Variants in NRG3 observed in about 807,000 individuals in gnomAD.
The protein encoded by NRG3 is neuregulin 3.
Under a neutral mutation model 66.9 loss-of-function variants are expected in NRG3, and 31 were observed. The ratio of observed to expected loss-of-function variants is 0.46; its 90% CI spans 0.35 to 0.63. NRG3 has a LOEUF of 0.63. NRG3 is among the 20% of genes least tolerant of loss of function. The probability of loss-of-function intolerance (pLI) is 0.00; values close to 1 mark genes in which losing one functional copy is unlikely to be tolerated. For missense variants in NRG3, 910 were observed against 878.9 expected (o/e 1.04, Z -0.45); for synonymous variants, 393 against 359.4 (o/e 1.09, Z -1.06).
At chr10:82,368,632 TC>T (rs1437129655) in intron 2 of NRG3, among the ~76,000 whole-genome samples, 8 of 138,024 alleles carry the variant, frequency 5.8e-5, no homozygotes, top group Admixed American at 5.5e-4. Context: ...AGTTTCACTA[TC>T]TTGTGAGGGA....
intron 2 of NRG3, among the ~76,000 whole-genome samples, chr10:82,674,042 A>G (rs970965867): frequency 1.3e-5 from 2 of 152,150 alleles, no homozygotes; most frequent in Non-Finnish European, 2.9e-5. Context: ...GGGTAGCCAT[A>G]TGATTTCTTG....
chr10:82,268,388 T>G (rs991939179), intron 1 of NRG3, among the ~76,000 whole-genome samples: 1 of 152,140 alleles, frequency 6.6e-6, no homozygotes, highest in Non-Finnish European at 1.5e-5. Context: ...TCTTTGTTTT[T>G]ATACTGCATC....
chr10:82,814,987 C>T (rs775568724), intron 3 of NRG3, among the ~76,000 whole-genome samples: 1 of 152,128 alleles, frequency 6.6e-6, no homozygotes, highest in Non-Finnish European at 1.5e-5. Flanking sequence ...AGTACTGGAG[C>T]AAAAGTCCAA....
At chr10:82,680,677 G>A (rs1174583319) in intron 2 of NRG3, among the ~76,000 whole-genome samples, 2 of 152,112 alleles carry the variant, frequency 1.3e-5, no homozygotes, top group African/African-American at 4.8e-5. Flanking sequence ...CAGGGTTGAC[G>A]TTTGCTCTGC....
At chr10:81,914,935 A>G (rs548937359) in intron 1 of NRG3, among the ~76,000 whole-genome samples, 78 of 152,312 alleles carry the variant, frequency 5.1e-4, no homozygotes, top group Middle Eastern at 3.4e-3. Context: ...AAGATATGAA[A>G]GTACTTTTAA....
chr10:82,503,848 T>A (rs1281616389), intron 2 of NRG3, among the ~76,000 whole-genome samples: 4 of 152,200 alleles, frequency 2.6e-5, no homozygotes, highest in Non-Finnish European at 5.9e-5. Context: ...AGTCAAGCTA[T>A]GGAATGTTGT....
chr10:82,583,535 A>G (rs1388633799), intron 2 of NRG3, among the ~76,000 whole-genome samples: 1 of 152,234 alleles, frequency 6.6e-6, no homozygotes, highest in Admixed American at 6.5e-5. Flanking sequence ...TGTCATAACT[A>G]CTTGTAAACC....
chr10:82,250,787 G>A (rs1342444721), intron 1 of NRG3, among the ~76,000 whole-genome samples: 2 of 152,130 alleles, frequency 1.3e-5, no homozygotes, highest in Non-Finnish European at 2.9e-5. Context: ...GCCACCTGAA[G>A]GCAGATCACA....
At chr10:82,414,057 T>A (rs1449895939) in intron 2 of NRG3, among the ~76,000 whole-genome samples, 1 of 152,174 alleles carries the variant, frequency 6.6e-6, no homozygotes, top group African/African-American at 2.4e-5. Flanking sequence ...CCTCAGGAAC[T>A]TTTCCTTTGC....
intron 1 of NRG3, among the ~76,000 whole-genome samples, chr10:82,269,125 C>G (rs1482727507): frequency 6.6e-6 from 1 of 151,916 alleles, no homozygotes; most frequent in Admixed American, 6.6e-5. Context: ...AATCTACCAG[C>G]TCAGGAATCC....
intron 3 of NRG3, among the ~76,000 whole-genome samples, chr10:82,855,721 TAGATTGA>T (rs2063770633): frequency 6.6e-6 from 1 of 151,758 alleles, no homozygotes; most frequent in Admixed American, 6.6e-5. Context: ...GATACTAATG[TAGATTGA>T]AGCTGAAAAG....
chr10:82,358,752 T>C lies in NRG3; in HGVS notation c.837T>C (p.Tyr279=). The C allele has an allele frequency of 6.2e-7, 1 of 1,614,100 alleles. No homozygotes were observed. The highest frequency in any genetic ancestry group is 8.5e-7 in the Non-Finnish European group (1 of 1,179,990). The change falls in exon 2 of 9, where the codon TAT becomes TAC. Residue 279 remains tyrosine, a synonymous_variant. Transcript: ENST00000372141. ...TTTCCCTGACAGATACGACGACATA[T>C]TCCACAGAGCGATCCGAGCACTTCA... ...STSPKFHTTT[Y]STERSEHFKP... is the part of the protein sequence containing the mutation.
rs372874627 is a variant in NRG3, at chr10:82,985,338, C to T, written c.1824C>T (p.Asp608=). 1.2e-5 allele frequency: 20 copies of T among 1,613,984 alleles called. No individual in the cohort carries two copies. The African/African-American group carries it at 1.5e-4, about 12-fold the overall frequency. Residue 608 remains aspartate (D), a synonymous_variant, in exon 9 of 9, where the codon GAC becomes GAT. Coordinates refer to ENST00000372141, the MANE Select transcript of NRG3 (RefSeq NM_001010848.4). ...GGTGCAAAAACTCCTATTCAGCTGACGTTGTCAATGTGAGTATTCCAGTCA... is the reference window on the plus strand; with the variant it reads ...GGTGCAAAAACTCCTATTCAGCTGATGTTGTCAATGTGAGTATTCCAGTCA... The part of the protein sequence containing the change: ...IKWCKNSYSA[D]VVNVSIPVSD...
At chr10:82,922,876 A>G (rs1846587326) in intron 4 of NRG3, among the ~76,000 whole-genome samples, 1 of 152,176 alleles carries the variant, frequency 6.6e-6, no homozygotes, top group Non-Finnish European at 1.5e-5. Flanking sequence ...CCATCCATCC[A>G]TTGACCAAAT....
intron 3 of NRG3, among the ~76,000 whole-genome samples, chr10:82,788,554 A>T (rs1282814745): frequency 1.3e-5 from 2 of 152,186 alleles, no homozygotes; most frequent in Admixed American, 6.5e-5. Context: ...TGGGTGACAG[A>T]GTGAGACTCC....
intron 1 of NRG3, among the ~76,000 whole-genome samples, chr10:82,281,097 G>A (rs902609786): frequency 4.6e-5 from 7 of 152,218 alleles, no homozygotes; most frequent in African/African-American, 1.7e-4. Flanking sequence ...GATTACATTG[G>A]TACTTTTCTG....
intron 1 of NRG3, among the ~76,000 whole-genome samples, chr10:82,165,373 A>G (rs961204727): frequency 6.6e-6 from 1 of 152,114 alleles, no homozygotes; most frequent in African/African-American, 2.4e-5. Context: ...TTAGGATTAC[A>G]TAAAGGTGAC....
At chr10:82,408,125 AAGAAAGAAAG>A (rs775625993) in intron 2 of NRG3, among the ~76,000 whole-genome samples, 136 of 144,540 alleles carry the variant, frequency 9.4e-4, no homozygotes, top group Admixed American at 1.3e-3. Context: ...GAAAGAAAGA[AAGAAAGAAAG>A]AAAGAAAGAA....
At chr10:82,210,157 A>G (rs1375494810) in intron 1 of NRG3, among the ~76,000 whole-genome samples, 3 of 152,198 alleles carry the variant, frequency 2.0e-5, no homozygotes, top group Admixed American at 2.0e-4. Flanking sequence ...TGAATTTATA[A>G]GAAAACATTA....
Sources: gnomAD v4.1 joint callset for allele counts (sites outside exome capture counted in the v4.1 genomes callset) on GRCh38, gnomAD v4.1.1 for gene constraint, MANE v1.5 for transcripts, NCBI Gene and HGNC (gene_info 2026-07-23, HGNC 2026-07-21) for gene names.